Variants in ZFHX3 observed in about 807,000 individuals in gnomAD.
ZFHX3 encodes the protein zinc finger homeobox protein 3.
ZFHX3 carries 42 observed loss-of-function variants against 279.1 expected under a neutral mutation model. That is an observed-to-expected ratio of 0.15 (90% CI 0.12 to 0.19). ZFHX3 has a LOEUF of 0.19. ZFHX3 is among the 10% of genes least tolerant of loss of function. The pLI is 1.00. For synonymous variants in ZFHX3, 2,293 were observed against 1,957.8 expected (o/e 1.17, Z -4.52); for missense variants, 4,981 against 4,754.0 (o/e 1.05, Z -1.40).
At chr16:73,013,013 G>A (rs1405712994) in intron 1 of ZFHX3, among the ~76,000 whole-genome samples, 1 of 152,166 alleles carries the variant, frequency 6.6e-6, no homozygotes, top group Non-Finnish European at 1.5e-5. Context: ...GACTGCCAAA[G>A]GCAGCCTATA....
intron 2 of ZFHX3, among the ~76,000 whole-genome samples, chr16:73,630,452 G>C (rs1028577363): frequency 6.6e-6 from 1 of 152,198 alleles, no homozygotes; most frequent in African/African-American, 2.4e-5. Flanking sequence ...AGCAGCTTAA[G>C]ACAATTTTAC....
chr16:73,243,840 A>G (rs573672653), intron 5 of ZFHX3, among the ~76,000 whole-genome samples: 7 of 152,272 alleles, frequency 4.6e-5, no homozygotes, highest in Admixed American at 4.6e-4. Context: ...TTCAGCAACC[A>G]TGTTACTTAT....
At chr16:73,101,961 T>A (rs1470337208) in intron 7 of ZFHX3, among the ~76,000 whole-genome samples, 1 of 148,262 alleles carries the variant, frequency 6.7e-6, no homozygotes, top group Non-Finnish European at 1.5e-5. Flanking sequence ...TCACCCAGGC[T>A]GGCGTGCACT....
intron 2 of ZFHX3, among the ~76,000 whole-genome samples, chr16:73,663,954 C>G (rs2052810218): frequency 6.6e-6 from 1 of 152,204 alleles, no homozygotes; most frequent in African/African-American, 2.4e-5. Context: ...GGCCATCGAG[C>G]TCAGAGGAAC....
At chr16:73,201,653 T>C (rs1012046993) in intron 5 of ZFHX3, among the ~76,000 whole-genome samples, 5 of 152,244 alleles carry the variant, frequency 3.3e-5, no homozygotes, top group African/African-American at 1.2e-4. Context: ...GTGCAACTGC[T>C]TTGGTATGAG....
At chr16:73,169,371 A>G (rs187625605) in intron 5 of ZFHX3, among the ~76,000 whole-genome samples, 28 of 152,300 alleles carry the variant, frequency 1.8e-4, no homozygotes, top group Non-Finnish European at 7.4e-5. Context: ...TTTTTAATGC[A>G]GGTTATAAAT....
chr16:73,781,724 C>G (rs538683555), intron 1 of ZFHX3, among the ~76,000 whole-genome samples: 25 of 152,286 alleles, frequency 1.6e-4, no homozygotes, highest in Non-Finnish European at 2.8e-4. Context: ...CGTGGTGGCG[C>G]ATGCCTGTAA....
intron 2 of ZFHX3, among the ~76,000 whole-genome samples, chr16:73,477,717 C>CT (rs2018788469): frequency 6.6e-6 from 1 of 152,198 alleles, no homozygotes; most frequent in African/African-American, 2.4e-5. Context: ...TGGCTGATCT[C>CT]ACGTGCTTAT....
At chr16:73,666,095 C>G (rs1292357054) in intron 2 of ZFHX3, among the ~76,000 whole-genome samples, 1 of 151,838 alleles carries the variant, frequency 6.6e-6, no homozygotes, top group African/African-American at 2.4e-5. Context: ...GGGTTACAGG[C>G]GTGAGCCACC....
exon 8 of ZFHX3, chr16:73,093,522 ACT>A (rs752007254): frequency 2.0e-6 from 1 of 504,284 alleles, no homozygotes; most frequent in East Asian, 5.6e-5. Flanking sequence ...CGCCCTGTCC[ACT>A]CTCGGGCTGT....
chr16:73,633,514 C>T (rs1387749543), intron 2 of ZFHX3, among the ~76,000 whole-genome samples: 4 of 152,146 alleles, frequency 2.6e-5, no homozygotes, highest in Admixed American at 2.0e-4. Context: ...ATCAGGACTT[C>T]GAGACTATTC....
chr16:73,758,496 C>G (rs1484348487), intron 1 of ZFHX3, among the ~76,000 whole-genome samples: 1 of 152,174 alleles, frequency 6.6e-6, no homozygotes, highest in Non-Finnish European at 1.5e-5. Context: ...CAGGGTGGCT[C>G]ATAAGTACAG....
chr16:73,001,463 G>A (rs1597075816), intron 1 of ZFHX3, among the ~76,000 whole-genome samples: 1 of 152,064 alleles, frequency 6.6e-6, no homozygotes, highest in African/African-American at 2.4e-5. Flanking sequence ...TGAACTTAGG[G>A]GTAATCTGTG....
chr16:72,915,188 A>G (rs2039412860), intron 3 of ZFHX3, among the ~76,000 whole-genome samples: 1 of 152,154 alleles, frequency 6.6e-6, no homozygotes, highest in African/African-American at 2.4e-5. Flanking sequence ...TCTGGCATTT[A>G]TTTCTCCTCC....
chr16:73,039,264 C>G (rs1006515662), intron 1 of ZFHX3, among the ~76,000 whole-genome samples: 1 of 152,068 alleles, frequency 6.6e-6, no homozygotes, highest in Non-Finnish European at 1.5e-5. Context: ...AGCCCAGATT[C>G]TTCATTTTTA....
At chr16:73,138,791 G>A (rs980488630) in intron 6 of ZFHX3, among the ~76,000 whole-genome samples, 4 of 152,046 alleles carry the variant, frequency 2.6e-5, no homozygotes, top group African/African-American at 9.7e-5. Flanking sequence ...AGGCTCAAGT[G>A]ATCCTCCCAC....
intron 7 of ZFHX3, among the ~76,000 whole-genome samples, chr16:73,117,249 A>G (rs1396982526): frequency 6.6e-6 from 1 of 151,906 alleles, no homozygotes; most frequent in Non-Finnish European, 1.5e-5. Flanking sequence ...TTTCAACAGA[A>G]TAGAAACTAT....
chr16:73,534,513 A>G (rs2019860438), intron 2 of ZFHX3, among the ~76,000 whole-genome samples: 1 of 152,208 alleles, frequency 6.6e-6, no homozygotes. Flanking sequence ...CTGCCCCAGA[A>G]GGAATGTAAC....
intron 5 of ZFHX3, among the ~76,000 whole-genome samples, chr16:73,174,808 A>T (rs1010216957): frequency 5.3e-5 from 8 of 150,400 alleles, no homozygotes; most frequent in African/African-American, 2.0e-4. Flanking sequence ...ACTTGAGGTC[A>T]GGAGTTCAAG....
Sources: allele counts gnomAD v4.1 joint callset (sites outside exome capture counted in the v4.1 genomes callset), GRCh38; gene constraint gnomAD v4.1.1; transcripts MANE v1.5; gene names NCBI Gene and HGNC (gene_info 2026-07-23, HGNC 2026-07-21).